IREB2: variants seen among roughly 807,000 people sequenced by gnomAD.
The protein encoded by IREB2 is iron-responsive element-binding protein 2.
In IREB2, 39 loss-of-function variants were observed where a neutral mutation model predicts 118.8. The ratio of observed to expected loss-of-function variants is 0.33; its 90% CI spans 0.25 to 0.43. The LOEUF is 0.43. Ranked by LOEUF, IREB2 falls within the 20% of genes least tolerant of loss-of-function variation. The probability of loss-of-function intolerance (pLI) is 1.00; values close to 1 mark genes in which losing one functional copy is unlikely to be tolerated. For missense variants in IREB2, 900 were observed against 1,147.3 expected (o/e 0.78, Z 3.11); for synonymous variants, 372 against 392.2 (o/e 0.95, Z 0.61).
intron 16 of IREB2, 152 bp downstream of exon 16, chr15:78,488,923 TAAAAAG>T (rs1418970919): frequency 1.9e-6 from 1 of 530,390 alleles, no homozygotes; most frequent in Non-Finnish European, 3.1e-6. Flanking sequence ...AATCTGTAGT[TAAAAAG>T]AAAATGGCGG....
At chr15:78,457,170 C>T (rs896671021) in intron 2 of IREB2, among the ~76,000 whole-genome samples, 2 of 152,122 alleles carry the variant, frequency 1.3e-5, no homozygotes, top group Non-Finnish European at 2.9e-5. Flanking sequence ...TAAATCATCT[C>T]TGAACTCTCC....
chr15:78,454,379 G>A (rs989996427), intron 2 of IREB2, among the ~76,000 whole-genome samples: 2 of 152,200 alleles, frequency 1.3e-5, no homozygotes, highest in Non-Finnish European at 2.9e-5. Flanking sequence ...TTGCTACAAT[G>A]TGGATGAACT....
intron 4 of IREB2, among the ~76,000 whole-genome samples, 162 bp from the exon 5 acceptor site, chr15:78,466,109 A>G (rs764744544): frequency 1.3e-5 from 2 of 152,190 alleles, no homozygotes; most frequent in Admixed American, 6.5e-5. Context: ...TTATATATAT[A>G]TAATCTGAGA....
In IREB2 at chr15:78,466,640, A is replaced by G. The variant is rs552374145; in HGVS notation, c.629+151A>G. 2.3e-4 allele frequency: 143 copies of G among 612,232 alleles called. No individual in the cohort carries two copies. In the South Asian group the frequency reaches 2.8e-3, roughly 12 times the overall value. 37.9% of individuals were successfully genotyped at this position (612,232 alleles called of 1,614,324 possible). ...TTTATATGTATTTCCTGTTATACTA[A>G]AAGAAGTAAATTTAGTGAAAATGGT... is the stretch of plus-strand genomic sequence containing the variant. On this transcript the variant is annotated intron_variant, in intron 5 of 21. Coordinates refer to ENST00000258886, the MANE Select transcript of IREB2 (RefSeq NM_004136.4).
At chr15:78,494,094 T>A in intron 19 of IREB2, 38 bp downstream of exon 19, 14 of 1,612,940 alleles carry the variant, frequency 8.7e-6, no homozygotes, top group Non-Finnish European at 8.5e-6. Context: ...AATTTATAAC[T>A]GGATCAAAAT....
intron 9 of IREB2, among the ~76,000 whole-genome samples, chr15:78,476,924 T>G (rs2051481215): frequency 6.6e-6 from 1 of 152,250 alleles, no homozygotes; most frequent in African/African-American, 2.4e-5. Flanking sequence ...TTCATAAGTC[T>G]GCTATTTAAA....
At chr15:78,448,365 G>A (rs868220635) in intron 2 of IREB2, among the ~76,000 whole-genome samples, 5 of 151,996 alleles carry the variant, frequency 3.3e-5, no homozygotes, top group African/African-American at 9.7e-5. Flanking sequence ...GGCTGGTCTC[G>A]AGCTCCTGGC....
At chr15:78,441,389 T>A in intron 2 of IREB2, among the ~76,000 whole-genome samples, 1 of 152,190 alleles carries the variant, frequency 6.6e-6, no homozygotes, top group South Asian at 2.1e-4. Flanking sequence ...GAGTTTGCAT[T>A]AATTTTGAAA....
At chr15:78,477,091 G>C (rs186935510) in intron 9 of IREB2, among the ~76,000 whole-genome samples, 6 of 152,286 alleles carry the variant, frequency 3.9e-5, no homozygotes, top group Admixed American at 3.9e-4. Context: ...TTGATGAATG[G>C]TTATATAGAA....
chr15:78,442,931 AG>A (rs2050867176), intron 2 of IREB2, among the ~76,000 whole-genome samples: 1 of 152,172 alleles, frequency 6.6e-6, no homozygotes. Flanking sequence ...AGCCCTCTCC[AG>A]GGGCTTTTGC....
chr15:78,438,136 G>T (rs948230010), upstream of IREB2: 10 of 566,534 alleles, frequency 1.8e-5, no homozygotes, highest in Non-Finnish European at 3.2e-5. Flanking sequence ...TTTCCTGTCC[G>T]ACGATCTCGC....
chr15:78,500,531 G>T lies in IREB2; in HGVS notation c.*2388G>T, dbSNP rs2051923411. 4.1e-5 allele frequency: 4 copies of T among 97,764 alleles called. No individual in the cohort carries two copies. The highest frequency in any genetic ancestry group is 4.2e-5 in the Non-Finnish European group (2 of 47,486). 6.1% of individuals were successfully genotyped at this position (97,764 alleles called of 1,614,324 possible). ...TGTTTACTATACCTTGGGTAATTTT[G>T]TGTTACCAAAAAAAAAAAAAAAAAA... On this transcript the variant is annotated 3_prime_UTR_variant, in exon 22 of 22. Coordinates refer to ENST00000258886, the MANE Select transcript of IREB2 (RefSeq NM_004136.4).
intron 11 of IREB2, among the ~76,000 whole-genome samples, chr15:78,483,853 G>A (rs984311645): frequency 7.5e-5 from 3 of 40,200 alleles, no homozygotes; most frequent in African/African-American, 1.1e-4. Context: ...GCACAATCTC[G>A]GCTCACTGCA....
At chr15:78,464,548 C>T (rs1205266621) in intron 3 of IREB2, among the ~76,000 whole-genome samples, 1 of 152,068 alleles carries the variant, frequency 6.6e-6, no homozygotes, top group East Asian at 1.9e-4. Context: ...TTATGATTTC[C>T]ACATAACCAA....
At chr15:78,481,125 CA>C (rs1429283802) in intron 10 of IREB2, among the ~76,000 whole-genome samples, 21 of 152,140 alleles carry the variant, frequency 1.4e-4, no homozygotes, top group Admixed American at 5.9e-4. Flanking sequence ...GGACTAGCAT[CA>C]TAAGCAAGGC....
At position 78,488,191 on chromosome 15, in the gene IREB2, T is replaced by A. The variant is rs750455913; in HGVS notation, c.1806T>A (p.Val602=). The A allele has an allele frequency of 9.3e-6, 15 of 1,606,580 alleles. No homozygotes were observed. The South Asian group carries it at 1.7e-4, about 18-fold the overall frequency. ...TGTGTTTTTTTCAGGGTGATTTGGT[T>A]ACCTGTGGAATTTTATCTGGAAACA... The part of the protein sequence containing the change: ...VLNAVKQGDL[V]TCGILSGNKN... The change falls in exon 15 of 22, where the codon GTT becomes GTA. Residue 602 remains valine (V), a synonymous_variant. Coordinates refer to ENST00000258886, the MANE Select transcript of IREB2 (RefSeq NM_004136.4).
upstream of IREB2, chr15:78,438,035 C>T (rs992073361): frequency 1.1e-5 from 5 of 447,756 alleles, no homozygotes; most frequent in African/African-American, 1.0e-4. Context: ...CCCACTGGAG[C>T]CTCCCCAGCG....
intron 1 of IREB2, 158 bp downstream of exon 1, chr15:78,438,514 T>C: frequency 1.2e-6 from 1 of 808,902 alleles, no homozygotes; most frequent in Non-Finnish European, 2.0e-6. Flanking sequence ...GGGCCGCCCT[T>C]TGAGCCTAGG....
chr15:78,453,625 T>C (rs2051060936), intron 2 of IREB2, among the ~76,000 whole-genome samples: 1 of 152,178 alleles, frequency 6.6e-6, no homozygotes, highest in South Asian at 2.1e-4. Flanking sequence ...TAGGAGGAAG[T>C]CCGCAGCTCC....
Sources: allele counts gnomAD v4.1 joint callset (sites outside exome capture counted in the v4.1 genomes callset), GRCh38; gene constraint gnomAD v4.1.1; transcripts MANE v1.5; gene names NCBI Gene and HGNC (gene_info 2026-07-23, HGNC 2026-07-21).